SHANK2: variants seen among roughly 807,000 people sequenced by gnomAD.
SHANK2 encodes SH3 and multiple ankyrin repeat domains 2.
Under a neutral mutation model 133.7 loss-of-function variants are expected in SHANK2, and 43 were observed. The ratio of observed to expected loss-of-function variants is 0.32; its 90% CI spans 0.25 to 0.41. The LOEUF (loss-of-function observed/expected upper bound fraction) is 0.41, where lower values mean the gene tolerates loss of function less well. SHANK2 is among the 10% of genes least tolerant of loss of function. The probability of loss-of-function intolerance (pLI) is 1.00; values close to 1 mark genes in which losing one functional copy is unlikely to be tolerated. For missense variants in SHANK2, 1,994 were observed against 2,235.8 expected (o/e 0.89, Z 2.18); for synonymous variants, 1,017 against 952.8 (o/e 1.07, Z -1.24).
In SHANK2 at chr11:70,914,923, A is replaced by G. The variant is rs147617326; in HGVS notation, c.1108-18356T>C. Reference sequence around the variant, plus strand: ...AAAAAAAAAAAAAAGAAAGAAAGAAAAAAAAAAGGAAGAAAATTCAGTTGT... The same window carrying G: ...AAAAAAAAAAAAAAGAAAGAAAGAAGAAAAAAAGGAAGAAAATTCAGTTGT... On this transcript the variant is annotated intron_variant, in intron 10 of 25. Transcript: ENST00000601538. Among the ~76,000 whole-genome samples the G allele has an allele frequency of 7.1e-4, 107 of 151,446 alleles. 1 individual carries two copies. The highest frequency in any genetic ancestry group is 2.5e-3 in the African/African-American group (102 of 41,418).
At chr11:70,559,932 C>T (rs181521555) in intron 17 of SHANK2, among the ~76,000 whole-genome samples, 1 of 152,044 alleles carries the variant, frequency 6.6e-6, no homozygotes, top group Non-Finnish European at 1.5e-5. Context: ...AGCACAGTGG[C>T]GTGATCTCAG....
chr11:70,498,675 C>T (rs1024637191), intron 21 of SHANK2, among the ~76,000 whole-genome samples: 3 of 152,166 alleles, frequency 2.0e-5, no homozygotes, highest in Admixed American at 6.5e-5. Flanking sequence ...GTAAAGCCAG[C>T]GGGGACAGAC....
chr11:71,223,001 C>T (rs1198149093), intron 2 of SHANK2, among the ~76,000 whole-genome samples: 1 of 152,224 alleles, frequency 6.6e-6, no homozygotes, highest in Non-Finnish European at 1.5e-5. Context: ...ACCATCCCTC[C>T]ATCTGGGAGG....
In SHANK2 at chr11:70,486,610, T is replaced by A; in HGVS notation, c.3683A>T (p.Lys1228Met). Residue 1228 changes from lysine (K) to methionine (M), a missense_variant, in exon 25 of 26, where the codon AAG becomes ATG. Lys to Met is a moderately conservative substitution (Grantham distance 95, BLOSUM62 -1). Coordinates refer to ENST00000601538, the MANE Select transcript of SHANK2 (RefSeq NM_012309.5). This position sits in a 1 kb window ranked among gnomAD's most constrained non-coding sequence, Gnocchi z 8.0. ...LALSARDRAM[K>M]ESQQGPKGEA... is the part of the protein sequence containing the mutation. ...CCCTTTGGGTCCCTGTTGAGACTCC[T>A]TCATGGCTCGGTCCCTTGCGGAGAG... The A allele has an allele frequency of 1.2e-6, 2 of 1,613,736 alleles. No individual in the cohort carries two copies. Among genetic ancestry groups the A allele is most frequent in the Non-Finnish European group, 1.7e-6 (2 of 1,180,004 alleles).
intron 12 of SHANK2, among the ~76,000 whole-genome samples, chr11:70,808,861 A>G (rs1948219914): frequency 6.6e-6 from 1 of 152,188 alleles, no homozygotes; most frequent in East Asian, 1.9e-4. Context: ...GGAAGCACCC[A>G]GGGCCTTCCA....
chr11:71,113,416 T>A, intron 4 of SHANK2, 52 bp from the exon 5 acceptor site: 1 of 1,510,100 alleles, frequency 6.6e-7, no homozygotes, highest in South Asian at 1.2e-5. Context: ...CTTCTCAGAG[T>A]TGTTCAGAGG....
At chr11:71,134,077 G>A (rs1952388950) in intron 3 of SHANK2, among the ~76,000 whole-genome samples, 1 of 150,552 alleles carries the variant, frequency 6.6e-6, no homozygotes, top group African/African-American at 2.4e-5. Flanking sequence ...CGGTGGACTG[G>A]GTGACTTGAC....
chr11:70,731,089 C>G (rs966083279), intron 14 of SHANK2, among the ~76,000 whole-genome samples: 21 of 151,998 alleles, frequency 1.4e-4, no homozygotes, highest in African/African-American at 5.1e-4. Context: ...GGAGATGGGA[C>G]CTTTAAGGAG....
chr11:71,096,580 G>T (rs1465104704), intron 6 of SHANK2, among the ~76,000 whole-genome samples: 2 of 152,288 alleles, frequency 1.3e-5, no homozygotes, highest in East Asian at 3.9e-4. Context: ...GACAGTCAGG[G>T]AAGTGACTGA....
intron 14 of SHANK2, among the ~76,000 whole-genome samples, chr11:70,779,546 A>G (rs541711672): frequency 6.6e-6 from 1 of 152,300 alleles, no homozygotes; most frequent in Non-Finnish European, 1.5e-5. Context: ...GTTTATACAC[A>G]CTGTGACTAA....
intron 14 of SHANK2, among the ~76,000 whole-genome samples, chr11:70,736,960 G>A (rs1404295818): frequency 2.0e-5 from 3 of 152,202 alleles, no homozygotes; most frequent in Admixed American, 6.5e-5. Flanking sequence ...CTGAAACGTG[G>A]CCTCTAGAAT....
chr11:70,911,059 G>A (rs1555078912), intron 10 of SHANK2: 1 of 457,012 alleles, frequency 2.2e-6, no homozygotes, highest in South Asian at 1.5e-5. Context: ...CAGAAGATCG[G>A]CATTCACCCC....
At chr11:70,770,044 T>C (rs1453015006) in intron 14 of SHANK2, among the ~76,000 whole-genome samples, 1 of 152,218 alleles carries the variant, frequency 6.6e-6, no homozygotes, top group African/African-American at 2.4e-5. Flanking sequence ...ACCTTCCCAG[T>C]GGCCCACGGA....
intron 8 of SHANK2, among the ~76,000 whole-genome samples, chr11:71,087,210 G>A (rs1176424095): frequency 3.9e-5 from 6 of 152,198 alleles, no homozygotes; most frequent in Non-Finnish European, 7.4e-5. Flanking sequence ...AGTCACAGCT[G>A]AGAGCTGCAG....
intron 8 of SHANK2, among the ~76,000 whole-genome samples, chr11:71,085,627 TA>T (rs1204123508): frequency 4.4e-5 from 3 of 68,122 alleles, no homozygotes; most frequent in African/African-American, 5.8e-5. Flanking sequence ...TATTATATAT[TA>T]TAATATATAT....
chr11:71,113,367 G>GGCAC lies in SHANK2; in HGVS notation c.412-7_412-4dup. ...TACACCCGCTTCTTGTATCGAAACT[G>GGCAC]GCACAGAAAACAAAAAAGAGAGAGA... On this transcript the variant is annotated splice_polypyrimidine_tract_variant and splice_region_variant and intron_variant, in intron 4 of 25. Transcript: ENST00000601538. 1 of 1,551,504 alleles carries GGCAC rather than the reference G, an allele frequency of 6.4e-7. No homozygotes were observed. The highest frequency in any genetic ancestry group is 8.7e-7 in the Non-Finnish European group (1 of 1,146,868).
intron 14 of SHANK2, among the ~76,000 whole-genome samples, chr11:70,789,991 C>T (rs1210123819): frequency 6.6e-6 from 1 of 152,252 alleles, no homozygotes; most frequent in African/African-American, 2.4e-5. Flanking sequence ...CTGACAGTTT[C>T]CATGTACACA....
chr11:70,667,802 G>A (rs1384497414), intron 15 of SHANK2: 4 of 152,370 alleles, frequency 2.6e-5, no homozygotes, highest in Middle Eastern at 3.4e-3. Flanking sequence ...CACACATGGG[G>A]TGGATAGATG....
chr11:70,890,779 G>A lies in SHANK2; in HGVS notation c.1174+5722C>T, dbSNP rs373530030. ...GCACCACTGCATTCCAGCCAGGGCA[G>A]CAAGAGTGAAACTGTCTCAAAAAAA... On this transcript the variant is annotated intron_variant, in intron 11 of 25. Transcript: ENST00000601538. 1.6e-4 allele frequency among the ~76,000 whole-genome samples: 21 copies of A among 134,524 alleles called. No homozygotes were observed. The East Asian group carries it at 3.3e-3, about 21-fold the overall frequency. The allele number at this position is 134,524 out of a possible 152,430, so 88.3% of individuals were successfully genotyped here. A position where few individuals can be genotyped will look rare whatever the true frequency, so the allele number is the denominator to read the frequency against.
Sources: allele counts gnomAD v4.1 joint callset (sites outside exome capture counted in the v4.1 genomes callset), GRCh38; gene constraint gnomAD v4.1.1; non-coding constraint Gnocchi (gnomAD v3.1); transcripts MANE v1.5; gene names NCBI Gene and HGNC (gene_info 2026-07-23, HGNC 2026-07-21).